KSR2: variants seen among roughly 807,000 people sequenced by gnomAD.
KSR2 encodes kinase suppressor of ras 2.
In KSR2, 25 loss-of-function variants were observed where a neutral mutation model predicts 107.8. The observed-to-expected ratio is 0.23, with a 90% CI of 0.17 to 0.32. KSR2 has a LOEUF of 0.32. KSR2 is among the 10% of genes least tolerant of loss of function. The pLI is 1.00. For synonymous variants in KSR2, 480 were observed against 507.0 expected (o/e 0.95, Z 0.71); for missense variants, 887 against 1,268.9 (o/e 0.70, Z 4.57).
intron 4 of KSR2, among the ~76,000 whole-genome samples, chr12:117,719,611 T>G (rs1349406720): frequency 1.3e-5 from 2 of 152,190 alleles, no homozygotes; most frequent in Non-Finnish European, 2.9e-5. Flanking sequence ...CATTCCCTAT[T>G]GTAAATCATT....
At chr12:117,554,607 G>A (rs1292835850) in intron 9 of KSR2, among the ~76,000 whole-genome samples, 3 of 152,124 alleles carry the variant, frequency 2.0e-5, no homozygotes, top group East Asian at 1.9e-4. Context: ...TGCCATTCTC[G>A]TGATGGGGAA....
At chr12:117,513,178 T>C (rs1389406934) in intron 14 of KSR2, among the ~76,000 whole-genome samples, 1 of 152,224 alleles carries the variant, frequency 6.6e-6, no homozygotes, top group Admixed American at 6.5e-5. Context: ...CATATATTAA[T>C]ACATCTATTG....
At chr12:117,695,110 A>G (rs1885998063) in intron 4 of KSR2, among the ~76,000 whole-genome samples, 1 of 151,990 alleles carries the variant, frequency 6.6e-6, no homozygotes, top group Non-Finnish European at 1.5e-5. Context: ...CGGCCTCCCA[A>G]AGTGCTAGGA....
chr12:117,918,221 C>G (rs1290345692), intron 1 of KSR2, among the ~76,000 whole-genome samples: 2 of 152,196 alleles, frequency 1.3e-5, no homozygotes, highest in Non-Finnish European at 2.9e-5. Context: ...TCCTTGGCAC[C>G]TCCGTGCATT....
chr12:117,628,503 C>T (rs1292652594), intron 5 of KSR2, among the ~76,000 whole-genome samples: 4 of 152,210 alleles, frequency 2.6e-5, no homozygotes, highest in Admixed American at 6.5e-5. Flanking sequence ...ACTCCAGACC[C>T]TGTTTGCCTG....
chr12:117,556,700 G>A (rs1266666844), intron 8 of KSR2, among the ~76,000 whole-genome samples: 1 of 152,116 alleles, frequency 6.6e-6, no homozygotes, highest in Non-Finnish European at 1.5e-5. Flanking sequence ...GGGAGACGGG[G>A]GTGGGCAAGT....
At chr12:117,834,432 T>G (rs1270478976) in intron 3 of KSR2, among the ~76,000 whole-genome samples, 1 of 105,436 alleles carries the variant, frequency 9.5e-6, no homozygotes, top group African/African-American at 3.8e-5. Flanking sequence ...AAAAAGATAC[T>G]GGGGGTGGGG....
intron 7 of KSR2, among the ~76,000 whole-genome samples, chr12:117,570,071 C>A (rs758518861): frequency 6.6e-6 from 1 of 151,702 alleles, no homozygotes; most frequent in Non-Finnish European, 1.5e-5. Context: ...GGCGTGATCC[C>A]GGCTCACTGC....
chr12:117,610,192 G>C (rs1326131460), intron 5 of KSR2, among the ~76,000 whole-genome samples: 1 of 152,058 alleles, frequency 6.6e-6, no homozygotes, highest in African/African-American at 2.4e-5. Flanking sequence ...AATTTTTATA[G>C]GATAATTTGG....
intron 4 of KSR2, among the ~76,000 whole-genome samples, chr12:117,676,619 C>T (rs1477361984): frequency 2.6e-5 from 4 of 152,124 alleles, no homozygotes; most frequent in Non-Finnish European, 4.4e-5. Flanking sequence ...GTATAGATCC[C>T]ACCCAAATGG....
In KSR2 at chr12:117,725,449, C is replaced by T. The variant is rs575512049; in HGVS notation, c.986+35562G>A. 2.6e-5 allele frequency among the ~76,000 whole-genome samples: 4 copies of T among 152,262 alleles called. No homozygotes were observed. In the South Asian group the frequency reaches 6.2e-4, roughly 24 times the overall value. On this transcript the variant is annotated intron_variant, in intron 4 of 19. Coordinates refer to ENST00000339824, the MANE Select transcript of KSR2 (RefSeq NM_173598.6). Reference sequence around the variant, plus strand: ...TTCAATGAGGAACAGGTGGTCTTTTCAACAAATGGTGCTGGAACATCTGGA... The same window carrying T: ...TTCAATGAGGAACAGGTGGTCTTTTTAACAAATGGTGCTGGAACATCTGGA...
At chr12:117,858,312 G>C (rs532665322) in intron 2 of KSR2, among the ~76,000 whole-genome samples, 1 of 152,268 alleles carries the variant, frequency 6.6e-6, no homozygotes, top group South Asian at 2.1e-4. Context: ...AATGCCCTGA[G>C]CCATGCAAAT....
intron 4 of KSR2, among the ~76,000 whole-genome samples, chr12:117,690,458 A>ACTTG (rs1385107730): frequency 5.9e-5 from 9 of 152,028 alleles, no homozygotes; most frequent in African/African-American, 2.2e-4. Flanking sequence ...CCAGCTACTT[A>ACTTG]GGAGGCTGAG....
rs184260513 is a variant in KSR2, at chr12:117,520,116, G to A, written c.2219+4736C>T. On this transcript the variant is annotated intron_variant, in intron 14 of 19. Transcript: ENST00000339824. ...CCATTCCCCTTGGTGTAGCTAAGGC[G>A]GCCATTGGCAAAGAAGGAACCTACC... Among the ~76,000 whole-genome samples, 415 of 152,222 alleles carry A rather than the reference G, an allele frequency of 2.7e-3. 3 individuals carry two copies. Among genetic ancestry groups the A allele is most frequent in the Middle Eastern group, 6.8e-3 (2 of 294 alleles).
At chr12:117,470,211 TCCATCCATC>T in intron 18 of KSR2, among the ~76,000 whole-genome samples, 1 of 150,608 alleles carries the variant, frequency 6.6e-6, no homozygotes, top group African/African-American at 2.5e-5. Context: ...CATCCATCCA[TCCATCCATC>T]CATCCATCCG....
intron 14 of KSR2, among the ~76,000 whole-genome samples, chr12:117,491,323 G>A (rs1374769318): frequency 6.6e-6 from 1 of 152,146 alleles, no homozygotes; most frequent in Non-Finnish European, 1.5e-5. Flanking sequence ...GGGATTACAG[G>A]TGCCTACCAC....
chr12:117,453,680 T>C lies in KSR2; in HGVS notation c.*13519A>G, dbSNP rs1870447049. The C allele has an allele frequency of 6.6e-6, 1 of 152,266 alleles. No individual in the cohort carries two copies. Among genetic ancestry groups the C allele is most frequent in the South Asian group, 2.1e-4 (1 of 4,824 alleles). 9.4% of individuals were successfully genotyped at this position (152,266 alleles called of 1,614,324 possible). The stretch of plus-strand genomic sequence containing the variant: ...TCAATCAAATTAATCATGCGTTAAG[T>C]CTGTCGAGTGGATCCTGGTACAAGA... On this transcript the variant is annotated 3_prime_UTR_variant, in exon 20 of 20. Coordinates refer to ENST00000339824, the MANE Select transcript of KSR2 (RefSeq NM_173598.6).
At chr12:117,848,841 G>GTGATGGTGATGATGGTGATGATGGTGA (rs56730615) in intron 3 of KSR2, among the ~76,000 whole-genome samples, 1 of 141,780 alleles carries the variant, frequency 7.1e-6, no homozygotes. Flanking sequence ...GGTAGTGGTG[G>GTGATGGTGATGATGGTGATGATGGTGA]TGATGGTGAT....
chr12:117,787,073 C>G (rs985508167), intron 3 of KSR2, among the ~76,000 whole-genome samples: 2 of 151,978 alleles, frequency 1.3e-5, no homozygotes, highest in Admixed American at 6.6e-5. Context: ...GCTCAAACAT[C>G]AAGCTTCCTT....
Sources: gnomAD v4.1 joint callset for allele counts (sites outside exome capture counted in the v4.1 genomes callset) on GRCh38, gnomAD v4.1.1 for gene constraint, MANE v1.5 for transcripts, NCBI Gene and HGNC (gene_info 2026-07-23, HGNC 2026-07-21) for gene names.